DDX60: variants seen among roughly 807,000 people sequenced by gnomAD.
The protein encoded by DDX60 is probable ATP-dependent RNA helicase DDX60.
In DDX60, 165 loss-of-function variants were observed where a neutral mutation model predicts 212.8. The ratio of observed to expected loss-of-function variants is 0.78; its 90% CI spans 0.68 to 0.88. The LOEUF (loss-of-function observed/expected upper bound fraction) is 0.88. Ranked by LOEUF, DDX60 falls within the 40% of genes least tolerant of loss-of-function variation. The probability of loss-of-function intolerance (pLI) is 0.00; values close to 1 mark genes in which losing one functional copy is unlikely to be tolerated. For missense variants in DDX60, 1,905 were observed against 2,003.9 expected (o/e 0.95, Z 0.94); for synonymous variants, 703 against 685.3 (o/e 1.03, Z -0.40).
chr4:168,282,654 C>T (rs1466983436), intron 13 of DDX60, among the ~76,000 whole-genome samples: 1 of 152,046 alleles, frequency 6.6e-6, no homozygotes, highest in East Asian at 1.9e-4. Flanking sequence ...AAAACCCCAA[C>T]TTTGAGGCCA....
chr4:168,220,524 T>C (rs1221267694), intron 37 of DDX60, 131 bp downstream of exon 37: 4 of 558,738 alleles, frequency 7.2e-6, no homozygotes, highest in African/African-American at 2.0e-5. Context: ...CTTTGGGGAG[T>C]TGAAATGCAT....
chr4:168,248,355 T>C, intron 28 of DDX60, 63 bp from the exon 29 acceptor site: 3 of 1,265,372 alleles, frequency 2.4e-6, no homozygotes, highest in Non-Finnish European at 3.2e-6. Context: ...AAGTATTTCC[T>C]GTCATAAAGT....
At chr4:168,231,681 C>A (rs1212071278) in intron 33 of DDX60, among the ~76,000 whole-genome samples, 2 of 151,718 alleles carry the variant, frequency 1.3e-5, no homozygotes, top group African/African-American at 4.8e-5. Context: ...GGATTAAAAC[C>A]CTCAGCAAAA....
chr4:168,236,303 T>A lies in DDX60; in HGVS notation c.4482A>T (p.Arg1494Ser), dbSNP rs1454846. The A allele has an allele frequency of 1.2e-6, 2 of 1,611,122 alleles. No homozygotes were observed. The highest frequency in any genetic ancestry group is 8.5e-7 in the Non-Finnish European group (1 of 1,178,348). Residue 1494 changes from arginine (R) to serine (S), a missense_variant, in exon 33 of 38, where the codon AGA (arginine) becomes AGT (serine). Arg to Ser is a moderately radical substitution (Grantham distance 110). Coordinates refer to ENST00000393743, the MANE Select transcript of DDX60 (RefSeq NM_017631.6). ...CATCTTGGAACTTTGGTGGAAAATA[T>A]CTTCTTCCAAAGAGATGTGCCAATA... ...VLVLAHLFGR[R>S]YFPPKFQDAH...
At chr4:168,245,323 A>T (rs1195495753) in intron 30 of DDX60, among the ~76,000 whole-genome samples, 1 of 152,204 alleles carries the variant, frequency 6.6e-6, no homozygotes, top group Non-Finnish European at 1.5e-5. Flanking sequence ...TAAAACATTA[A>T]ATGCCAGAAG....
the DDX60 span, among the ~76,000 whole-genome samples, chr4:168,324,209 A>G: frequency 6.6e-6 from 1 of 152,204 alleles, no homozygotes; most frequent in African/African-American, 2.4e-5. Context: ...ATAATGGGCA[A>G]CTGGATAGAA....
chr4:168,239,405 G>T (rs1447465313), intron 30 of DDX60, among the ~76,000 whole-genome samples: 1 of 149,390 alleles, frequency 6.7e-6, no homozygotes, highest in Non-Finnish European at 1.5e-5. Context: ...TAGATAGATA[G>T]ATAGATAGAG....
At chr4:168,305,804 C>T (rs1026556400) in intron 5 of DDX60, among the ~76,000 whole-genome samples, 11 of 152,046 alleles carry the variant, frequency 7.2e-5, no homozygotes, top group East Asian at 1.9e-4. Context: ...CTATTGATTA[C>T]TTAATAATAA....
At chr4:168,268,819 T>C (rs1273313718) in intron 20 of DDX60, 35 bp downstream of exon 20, 3 of 1,194,156 alleles carry the variant, frequency 2.5e-6, no homozygotes, top group Non-Finnish European at 3.6e-6. Flanking sequence ...TCAAAATAGA[T>C]AAACACTCTG....
rs1205814283 is a variant in DDX60, at chr4:168,252,558, T to TC, written c.3655dup (p.Glu1219GlyfsTer10). ...AGCATATGTGCAGTCCTGTGGGATT[T>TC]CCAGGTTCTTCTCTAGACACTTCAC... On this transcript the variant is annotated frameshift_variant, in exon 27 of 38. Transcript: ENST00000393743. LOFTEE classifies it high-confidence loss of function. The TC allele has an allele frequency of 1.9e-6, 3 of 1,613,974 alleles. No homozygotes were observed. The highest frequency in any genetic ancestry group is 2.5e-6 in the Non-Finnish European group (3 of 1,179,986).
chr4:168,254,864 G>A lies in DDX60; in HGVS notation c.3557+847C>T, dbSNP rs569258190. Among the ~76,000 whole-genome samples the A allele has an allele frequency of 2.6e-5, 4 of 152,300 alleles. No homozygotes were observed. In the East Asian group the frequency reaches 7.7e-4, roughly 29 times the overall value. On this transcript the variant is annotated intron_variant, in intron 26 of 37. Transcript: ENST00000393743. ...ATGTGAGGAGAATCATAAATATTGA[G>A]TATTGGTAGAGGAGAGTGGTAGGAA...
In DDX60 at chr4:168,216,342, T is replaced by G. The variant is rs533423277; in HGVS notation, c.*591A>C. 1 of 152,220 alleles carries G rather than the reference T, an allele frequency of 6.6e-6. No homozygotes were observed. Among genetic ancestry groups the G allele is most frequent in the Non-Finnish European group, 1.5e-5 (1 of 68,038 alleles). The allele number at this position is 152,220 out of a possible 1,614,324, so 9.4% of individuals were successfully genotyped here. A position where few individuals can be genotyped will look rare whatever the true frequency, so the allele number is the denominator to read the frequency against. ...TTCTTTGTGCTTTTCCAGTCACTTA[T>G]ATACAATTACAATAAAGCAAATCAT... On this transcript the variant is annotated 3_prime_UTR_variant, in exon 38 of 38. Transcript: ENST00000393743.
At chr4:168,284,972 C>T (rs1165711000) in intron 11 of DDX60, 37 bp from the exon 12 acceptor site, 2 of 1,012,160 alleles carry the variant, frequency 2.0e-6, no homozygotes, top group African/African-American at 1.6e-5. Context: ...AAATTGCACA[C>T]TTCCAAATAT....
chr4:168,232,335 A>G (rs1191471923), intron 33 of DDX60, among the ~76,000 whole-genome samples: 3 of 152,012 alleles, frequency 2.0e-5, no homozygotes, highest in Admixed American at 6.6e-5. Flanking sequence ...TACCAACATC[A>G]TTCTTCACAG....
rs769391968 is a variant in DDX60, at chr4:168,288,230, T to C, written c.1127A>G (p.Asn376Ser). 1.4e-5 allele frequency: 22 copies of C among 1,522,906 alleles called. No individual in the cohort carries two copies. Among genetic ancestry groups the C allele is most frequent in the African/African-American group, 1.4e-4 (10 of 71,430 alleles). The allele number at this position is 1,522,906 out of a possible 1,614,324, so 94.3% of individuals were successfully genotyped here. A position where few individuals can be genotyped will look rare whatever the true frequency, so the allele number is the denominator to read the frequency against. ...NLNLIHLSDL[N>S]DELLLKNIAF... Reference sequence around the variant, plus strand: ...AATATTCTTCAACAAAAGCTCATCATTTAAGTCAGAAAGGTGAATTAAATT... The same window carrying C: ...AATATTCTTCAACAAAAGCTCATCACTTAAGTCAGAAAGGTGAATTAAATT... The change falls in exon 9 of 38, where the codon AAT (asparagine) becomes AGT (serine). Residue 376 changes from asparagine (N) to serine (S), a missense_variant. Physicochemically the swap from Asn to Ser is conservative, Grantham distance 46. Transcript: ENST00000393743.
rs770351108 is a variant in DDX60, at chr4:168,291,804, A to G, written c.985T>C (p.Cys329Arg). 9 of 1,613,778 alleles carry G rather than the reference A, an allele frequency of 5.6e-6. No individual in the cohort carries two copies. In the South Asian group the frequency reaches 8.8e-5, roughly 16 times the overall value. Residue 329 changes from cysteine to arginine, a missense_variant, in exon 8 of 38, where the codon TGT becomes CGT. Transcript: ENST00000393743. ...CAATGGGAAGTGATGACTCTAGCAC[A>G]AGCTCTTTGAGAAAGAGGCAGATGG... Reference protein sequence around the residue: ...LLHLPLSQRACARVITSHWAE... With the variant: ...LLHLPLSQRARARVITSHWAE...
intron 22 of DDX60, among the ~76,000 whole-genome samples, chr4:168,264,896 A>C (rs1734776361): frequency 6.6e-6 from 1 of 152,242 alleles, no homozygotes; most frequent in Admixed American, 6.5e-5. Flanking sequence ...AAAAGGTCAC[A>C]GATTTGTACC....
Position 168,237,295 on chromosome 4 carries a change from T to C in DDX60, c.4402A>G (p.Thr1468Ala), listed in dbSNP as rs1175243926. The change falls in exon 32 of 38, where the codon ACC (threonine) becomes GCC (alanine). Residue 1468 changes from threonine (T) to alanine (A), a missense_variant. Coordinates refer to ENST00000393743, the MANE Select transcript of DDX60 (RefSeq NM_017631.6). ...NGLFHDLCQP[T>A]RKGSKHFSQD... ...AAAATCTCAAGCTTACCTTTCCTGG[T>C]TGGCTGACAGAGATCATGGAAGAGT... 6.5e-7 allele frequency: 1 copy of C among 1,547,460 alleles called. No individual in the cohort carries two copies.
chr4:168,293,169 G>C (rs1736183189), intron 7 of DDX60, among the ~76,000 whole-genome samples: 1 of 152,090 alleles, frequency 6.6e-6, no homozygotes, highest in South Asian at 2.1e-4. Context: ...GTATATTGGG[G>C]GAAGGAAAAC....
Sources: allele counts gnomAD v4.1 joint callset (sites outside exome capture counted in the v4.1 genomes callset), GRCh38; gene constraint gnomAD v4.1.1; transcripts MANE v1.5; gene names NCBI Gene and HGNC (gene_info 2026-07-23, HGNC 2026-07-21).